The following CD96 variants were observed in gnomAD, a reference collection of about 807,000 sequenced individuals.
The protein encoded by CD96 is CD96 molecule, also known as T-cell surface protein tactile.
CD96 carries 70 observed loss-of-function variants against 71.3 expected under a neutral mutation model. The observed-to-expected ratio is 0.98, with a 90% CI of 0.81 to 1.20. CD96 has a LOEUF of 1.20. CD96 is among the 50% of genes most tolerant of loss of function. The pLI is 0.00. For synonymous variants in CD96, 248 were observed against 233.0 expected, an observed-to-expected ratio of 1.06 and a Z score of -0.59; for missense variants, 742 against 677.5, an observed-to-expected ratio of 1.10 and a Z score of -1.06.
chr3:111,569,024 A>C (rs1056403331), intron 3 of CD96, among the ~76,000 whole-genome samples: 7 of 152,230 alleles, frequency 4.6e-5, no homozygotes, highest in African/African-American at 1.2e-4. Flanking sequence ...AAAAATTCTT[A>C]TGAAACTCAC....
rs1263627307 is a variant in CD96 at position 111,585,374 on chromosome 3, T to C, written c.803T>C (p.Val268Ala). 6.3e-7 allele frequency: 1 copy of C among 1,599,596 alleles called. No individual in the cohort carries two copies. The highest frequency in any genetic ancestry group is 2.2e-5 in the East Asian group (1 of 44,738). ...GAAAATAACTCCACGGATGTCTTGG[T>C]AGAGGTGAGTCACATAAAAGCCTTT... ...IVENNSTDVL[V>A]ERRFTCLLKN... The change falls in exon 5 of 14, where the codon GTA becomes GCA. Residue 268 changes from valine to alanine, a missense_variant. Coordinates refer to ENST00000352690, the MANE Select transcript of CD96 (RefSeq NM_005816.5).
intron 10 of CD96, chr3:111,634,435 C>CTGTAGAGAAG (rs1424530878): frequency 6.6e-6 from 1 of 152,556 alleles, no homozygotes; most frequent in Non-Finnish European, 1.5e-5. Context: ...GATACTGGTG[C>CTGTAGAGAAG]TGTAGAGAAG....
intron 5 of CD96, chr3:111,594,883 T>C (rs1937181790): frequency 6.0e-6 from 1 of 167,160 alleles, no homozygotes; most frequent in East Asian, 1.9e-4. Context: ...CAAGGTCAGT[T>C]TGTCCTTAGA....
Position 111,633,183 on chromosome 3 carries a change from T to TA in CD96, c.1322-4003dup, listed in dbSNP as rs547882959. On this transcript the variant is annotated intron_variant, in intron 10 of 13. Transcript: ENST00000352690. ...ATTTCAATATTGTTTTGTCTCAGAT[T>TA]AAAAAAAAAAGGCCCAAGGAGAGGA... 2.7e-3 allele frequency among the ~76,000 whole-genome samples: 398 copies of TA among 147,346 alleles called. 2 individuals are homozygous for TA. The highest frequency in any genetic ancestry group is 9.1e-3 in the African/African-American group (366 of 40,294).
intron 3 of CD96, among the ~76,000 whole-genome samples, chr3:111,568,242 C>T (rs1935815661): frequency 6.6e-6 from 1 of 152,028 alleles, no homozygotes; most frequent in Admixed American, 6.5e-5. Flanking sequence ...AACAGACAAA[C>T]AAACAAAAGC....
chr3:111,616,066 C>A (rs1938218565), intron 8 of CD96, among the ~76,000 whole-genome samples: 1 of 152,080 alleles, frequency 6.6e-6, no homozygotes, highest in African/African-American at 2.4e-5. Flanking sequence ...CAGCTGCCTC[C>A]CACCCCATTT....
At chr3:111,616,272 C>T (rs978327052) in intron 8 of CD96, among the ~76,000 whole-genome samples, 1 of 151,978 alleles carries the variant, frequency 6.6e-6, no homozygotes, top group African/African-American at 2.4e-5. Flanking sequence ...ATTGATAATT[C>T]AGTAAATATT....
At chr3:111,647,212 C>A (rs756423129) in intron 12 of CD96, among the ~76,000 whole-genome samples, 2 of 151,124 alleles carry the variant, frequency 1.3e-5, no homozygotes, top group Non-Finnish European at 2.9e-5. Context: ...TGCACATGTA[C>A]CCCTGAACCT....
chr3:111,577,482 C>G, intron 3 of CD96: 1 of 1,573,362 alleles, frequency 6.4e-7, no homozygotes, highest in South Asian at 1.1e-5. Flanking sequence ...CTCCCTTCTT[C>G]TTTTGCTCTT....
chr3:111,562,199 G>A (rs930438897), intron 2 of CD96, among the ~76,000 whole-genome samples: 4 of 152,168 alleles, frequency 2.6e-5, no homozygotes, highest in African/African-American at 7.2e-5. Flanking sequence ...GCTGTAGACC[G>A]GAGCTGTTCC....
At chr3:111,649,603 G>C in intron 13 of CD96, 95 bp from the exon 14 acceptor site, 1 of 840,442 alleles carries the variant, frequency 1.2e-6, no homozygotes, top group Non-Finnish European at 2.1e-6. Flanking sequence ...TCATCAATCT[G>C]TGTTCTCCTT....
chr3:111,563,933 A>G (rs964545112), intron 2 of CD96, among the ~76,000 whole-genome samples: 1 of 152,216 alleles, frequency 6.6e-6, no homozygotes, highest in African/African-American at 2.4e-5. Flanking sequence ...TTATTAAAAA[A>G]GACTTTATTA....
At position 111,648,500 on chromosome 3, in the gene CD96, C is replaced by T. The variant is rs547655784; in HGVS notation, c.1601+834C>T. On this transcript the variant is annotated intron_variant, in intron 13 of 13. Transcript: ENST00000352690. ...TCCAAGGACTACAATTTGGCCACCA[C>T]ATGACCTTGAGAAACTCATAATTCC... Among the ~76,000 whole-genome samples, 7 of 152,316 alleles carry T rather than the reference C, an allele frequency of 4.6e-5. No homozygotes were observed. In the South Asian group the frequency reaches 1.4e-3, roughly 32 times the overall value.
At chr3:111,615,445 C>T (rs1176735221) in intron 8 of CD96, among the ~76,000 whole-genome samples, 1 of 152,162 alleles carries the variant, frequency 6.6e-6, no homozygotes, top group East Asian at 1.9e-4. Context: ...AACAAAATAC[C>T]TTCTATAGCA....
At chr3:111,597,127 G>C (rs1038059994) in intron 5 of CD96, among the ~76,000 whole-genome samples, 1 of 152,164 alleles carries the variant, frequency 6.6e-6, no homozygotes, top group Non-Finnish European at 1.5e-5. Flanking sequence ...ATGTTAACTA[G>C]TATATTCATT....
At position 111,650,902 on chromosome 3, in the gene CD96, G is replaced by T. The variant is rs1409697831; in HGVS notation, c.*1096G>T. The T allele has an allele frequency of 6.6e-6, 1 of 152,186 alleles. No individual in the cohort carries two copies. The highest frequency in any genetic ancestry group is 1.5e-5 in the Non-Finnish European group (1 of 68,028). The allele number at this position is 152,186 out of a possible 1,614,324, so 9.4% of individuals were successfully genotyped here. On this transcript the variant is annotated 3_prime_UTR_variant, in exon 14 of 14. Transcript: ENST00000352690. The stretch of plus-strand genomic sequence containing the variant: ...CTTCCCACACTCCCTGCTCCAGGAG[G>T]GAAAAACAGATGTTGTTGACAGATA...
At chr3:111,548,868 A>G (rs1934551217) in intron 2 of CD96, among the ~76,000 whole-genome samples, 1 of 152,148 alleles carries the variant, frequency 6.6e-6, no homozygotes, top group Non-Finnish European at 1.5e-5. Flanking sequence ...TCCTGTATTT[A>G]GTCTTTATCC....
chr3:111,575,726 G>T (rs1346407452), intron 3 of CD96, among the ~76,000 whole-genome samples: 1 of 152,252 alleles, frequency 6.6e-6, no homozygotes, highest in Non-Finnish European at 1.5e-5. Context: ...GTGCTTCCAA[G>T]ATGGCACCTT....
At position 111,567,604 on chromosome 3, in the gene CD96, G is replaced by C. The variant is rs532537422; in HGVS notation, c.500G>C (p.Ser167Thr). 5 of 1,612,466 alleles carry C rather than the reference G, an allele frequency of 3.1e-6. No homozygotes were observed. Among genetic ancestry groups the C allele is most frequent in the Non-Finnish European group, 4.2e-6 (5 of 1,178,660 alleles). Reference sequence around the variant, plus strand: ...CTGGAAATACCATGCTTTCAAAATAGCTCCTCAAAAATTTCATCTGAGTTC... The same window carrying C: ...CTGGAAATACCATGCTTTCAAAATACCTCCTCAAAAATTTCATCTGAGTTC... ...QTLEIPCFQN[S>T]SSKISSEFTY... is the part of the protein sequence containing the mutation. Residue 167 changes from serine (S) to threonine (T), a missense_variant, in exon 3 of 14, where the codon AGC (serine) becomes ACC (threonine). Ser to Thr is a moderately conservative substitution (Grantham distance 58, BLOSUM62 1). Transcript: ENST00000352690.
Sources: gnomAD v4.1 joint callset for allele counts (sites outside exome capture counted in the v4.1 genomes callset) on GRCh38, gnomAD v4.1.1 for gene constraint, MANE v1.5 for transcripts, NCBI Gene and HGNC (gene_info 2026-07-23, HGNC 2026-07-21) for gene names.